Variants in KYAT1 observed in about 807,000 individuals in gnomAD.
KYAT1 encodes the protein kynurenine--oxoglutarate transaminase 1.
A neutral mutation model predicts 52.4 loss-of-function variants in KYAT1; 47 were observed. The ratio of observed to expected loss-of-function variants is 0.90; its 90% CI spans 0.71 to 1.14. The LOEUF is 1.14. Ranked by LOEUF, KYAT1 falls within the 50% of genes most tolerant of loss-of-function variation. The probability of loss-of-function intolerance (pLI) is 0.00; values close to 1 mark genes in which losing one functional copy is unlikely to be tolerated. For missense variants in KYAT1, 480 were observed against 557.9 expected (o/e 0.86, Z 1.41); for synonymous variants, 212 against 209.6 (o/e 1.01, Z -0.10).
At chr9:128,864,085 G>A (rs996982996) in intron 1 of KYAT1, among the ~76,000 whole-genome samples, 20 of 152,146 alleles carry the variant, frequency 1.3e-4, no homozygotes, top group African/African-American at 4.6e-4. Context: ...TTTTCAGGCC[G>A]GGCGCGGTGG....
intron 1 of KYAT1, chr9:128,846,680 C>T: frequency 6.6e-7 from 1 of 1,519,868 alleles, no homozygotes; most frequent in Non-Finnish European, 8.8e-7. Context: ...CCTAACCCAC[C>T]TTGGCTGGGT....
intron 1 of KYAT1, among the ~76,000 whole-genome samples, chr9:128,857,744 G>A (rs994484097): frequency 3.9e-5 from 6 of 152,196 alleles, no homozygotes; most frequent in Admixed American, 1.3e-4. Flanking sequence ...GCTGAGGCAG[G>A]AGAATGGCGT....
chr9:128,837,674 C>A lies in KYAT1; in HGVS notation c.567+11G>T. The A allele has an allele frequency of 6.2e-7, 1 of 1,613,876 alleles. No individual in the cohort carries two copies. The highest frequency in any genetic ancestry group is 8.5e-7 in the Non-Finnish European group (1 of 1,179,926). On this transcript the variant is annotated intron_variant, in intron 6 of 12. Coordinates refer to ENST00000302586, the MANE Select transcript of KYAT1 (RefSeq NM_004059.5). Reference sequence around the variant, plus strand: ...TCCGCAGGGGGCCAGGGAAGGAGGTCCCTCCAGTACCTTGCCCAGGGGGTT... The same window carrying A: ...TCCGCAGGGGGCCAGGGAAGGAGGTACCTCCAGTACCTTGCCCAGGGGGTT...
chr9:128,850,340 G>A (rs1390349918), intron 1 of KYAT1, among the ~76,000 whole-genome samples: 2 of 152,176 alleles, frequency 1.3e-5, no homozygotes, highest in Non-Finnish European at 2.9e-5. Context: ...GCTTTGCTGA[G>A]ATGTTGTTAA....
chr9:128,865,589 T>C (rs1233203419), intron 1 of KYAT1, among the ~76,000 whole-genome samples: 1 of 151,344 alleles, frequency 6.6e-6, no homozygotes, highest in Non-Finnish European at 1.5e-5. Context: ...CTCAAACTCC[T>C]GACGTCAGGT....
intron 3 of KYAT1, among the ~76,000 whole-genome samples, chr9:128,838,851 T>C (rs1831610654): frequency 6.6e-6 from 1 of 152,226 alleles, no homozygotes. Flanking sequence ...CACAAGGCAG[T>C]AGAAACTCCC....
At chr9:128,870,037 C>A (rs928121135) in intron 1 of KYAT1, among the ~76,000 whole-genome samples, 1 of 151,922 alleles carries the variant, frequency 6.6e-6, no homozygotes, top group Non-Finnish European at 1.5e-5. Flanking sequence ...TACCCGGGCC[C>A]GGCAGATAAT....
intron 1 of KYAT1, chr9:128,846,854 C>T (rs1257999562): frequency 8.5e-6 from 13 of 1,535,022 alleles, no homozygotes; most frequent in Non-Finnish European, 1.1e-5. Flanking sequence ...TCTTCTCAGC[C>T]ACCTGCTGTG....
intron 1 of KYAT1, among the ~76,000 whole-genome samples, chr9:128,863,463 T>C (rs1377172856): frequency 2.0e-5 from 3 of 150,328 alleles, no homozygotes; most frequent in Admixed American, 6.6e-5. Context: ...CAACACCCTT[T>C]CTCTACAAAA....
chr9:128,865,359 A>ATATTTTT (rs1836206985), intron 1 of KYAT1, among the ~76,000 whole-genome samples: 1 of 27,310 alleles, frequency 3.7e-5, no homozygotes, highest in African/African-American at 3.4e-4. Context: ...ATATATATAT[A>ATATTTTT]TTTTTTTTTT....
In KYAT1 at chr9:128,873,935, A is replaced by C. The variant is rs1292087287; in HGVS notation, c.-7+7962T>G. 4.4e-5 allele frequency among the ~76,000 whole-genome samples: 5 copies of C among 113,586 alleles called. No individual in the cohort carries two copies. The South Asian group carries it at 1.7e-3, about 39-fold the overall frequency. The allele number at this position is 113,586 out of a possible 152,430, so 74.5% of individuals were successfully genotyped here. A position where few individuals can be genotyped will look rare whatever the true frequency, so the allele number is the denominator to read the frequency against. On this transcript the variant is annotated intron_variant, in intron 1 of 12. Coordinates refer to ENST00000302586, the MANE Select transcript of KYAT1 (RefSeq NM_004059.5). ...CACTCCAGCCCGGGTGACAGAGCAA[A>C]TCTCCGTCTCAAAAAAAAAAAAAAA... is the stretch of plus-strand genomic sequence containing the variant.
rs1832637559 is a variant in KYAT1 at position 128,843,835 on chromosome 9, T to C, written c.54-1034A>G. ...GTTGAGACCCCCTGTACAGATTGCA[T>C]GACTCCTCCTTGGATTCGTCAACAC... On this transcript the variant is annotated intron_variant, in intron 2 of 12. Coordinates refer to ENST00000302586, the MANE Select transcript of KYAT1 (RefSeq NM_004059.5). 2.6e-5 allele frequency among the ~76,000 whole-genome samples: 4 copies of C among 152,218 alleles called. 1 individual carries two copies. Among genetic ancestry groups the C allele is most frequent in the Admixed American group, 1.3e-4 (2 of 15,280 alleles).
intron 3 of KYAT1, chr9:128,842,012 CA>C: frequency 1.1e-5 from 2 of 178,940 alleles, no homozygotes; most frequent in South Asian, 9.6e-5. Context: ...GACCCTGACT[CA>C]AAAATAAATA....
Position 128,836,873 on chromosome 9 carries a change from T to C in KYAT1, c.617A>G (p.His206Arg). The change falls in exon 7 of 13, where the codon CAT (histidine) becomes CGT (arginine). Residue 206 changes from histidine to arginine, a missense_variant. Physicochemically the swap from His to Arg is conservative, Grantham distance 29 (BLOSUM62 0). Transcript: ENST00000302586. The stretch of plus-strand genomic sequence containing the variant: ...TTCATCAGTGATACACACCACGTCA[T>C]GCTGCTGGCAAAGGCTGGCCACCAG... ...LELVASLCQQ[H>R]DVVCITDEVY... 2 of 1,613,976 alleles carry C rather than the reference T, an allele frequency of 1.2e-6. No individual in the cohort carries two copies. The highest frequency in any genetic ancestry group is 1.1e-5 in the South Asian group (1 of 91,092).
At chr9:128,839,374 C>T (rs1831719883) in intron 3 of KYAT1, among the ~76,000 whole-genome samples, 1 of 152,130 alleles carries the variant, frequency 6.6e-6, no homozygotes, top group Non-Finnish European at 1.5e-5. Context: ...GCTTTGTAAG[C>T]ACCCCTTTTT....
At chr9:128,869,661 T>C (rs1176217591) in intron 1 of KYAT1, among the ~76,000 whole-genome samples, 1 of 152,126 alleles carries the variant, frequency 6.6e-6, no homozygotes, top group Non-Finnish European at 1.5e-5. Flanking sequence ...CTTTAACTCC[T>C]GGCCTCTAGC....
Position 128,851,546 on chromosome 9 carries a change from T to C in KYAT1, c.-6-6135A>G, listed in dbSNP as rs149472473. ...AACAAGGAACTTTAGATTTAAAAGA[T>C]TGGGAAAAAATTGGCAAGGAATTAA... On this transcript the variant is annotated intron_variant, in intron 1 of 12. Transcript: ENST00000302586. Among the ~76,000 whole-genome samples the C allele has an allele frequency of 6.0e-3, 911 of 152,192 alleles. 3 individuals carry two copies. Among genetic ancestry groups the C allele is most frequent in the African/African-American group, 0.016 (655 of 41,520 alleles).
chr9:128,837,064 C>A (rs563207351), intron 6 of KYAT1, 142 bp from the exon 7 acceptor site: 43 of 1,042,614 alleles, frequency 4.1e-5, no homozygotes, highest in Non-Finnish European at 5.6e-5. Flanking sequence ...GAGGCCGAGG[C>A]GGGCGGAACA....
chr9:128,847,221 C>A (rs142812210), intron 1 of KYAT1, among the ~76,000 whole-genome samples: 1 of 152,216 alleles, frequency 6.6e-6, no homozygotes, highest in African/African-American at 2.4e-5. Flanking sequence ...TGGGAAGCAG[C>A]ACCCTACAGC....
Sources: gnomAD v4.1 joint callset for allele counts (sites outside exome capture counted in the v4.1 genomes callset) on GRCh38, gnomAD v4.1.1 for gene constraint, MANE v1.5 for transcripts, NCBI Gene and HGNC (gene_info 2026-07-23, HGNC 2026-07-21) for gene names.